MDGA2: variants seen among roughly 807,000 people sequenced by gnomAD.
The protein encoded by MDGA2 is MAM domain-containing glycosylphosphatidylinositol anchor protein 2.
Under a neutral mutation model 117.8 loss-of-function variants are expected in MDGA2, and 40 were observed. The ratio of observed to expected loss-of-function variants is 0.34; its 90% CI spans 0.26 to 0.44. The LOEUF (loss-of-function observed/expected upper bound fraction) is 0.44. MDGA2 is among the 20% of genes least tolerant of loss of function. The pLI is 1.00. For synonymous variants in MDGA2, 452 were observed against 439.0 expected, an observed-to-expected ratio of 1.03 and a Z score of -0.37; for missense variants, 1,123 against 1,250.6, an observed-to-expected ratio of 0.90 and a Z score of 1.54.
intron 3 of MDGA2, 78 bp from the exon 4 acceptor site, chr14:47,144,352 C>A: frequency 9.9e-7 from 1 of 1,015,202 alleles, no homozygotes; most frequent in Non-Finnish European, 1.4e-6. Context: ...TATAACCCAA[C>A]CAAAAATGCA....
chr14:47,638,554 A>C (rs111626368), intron 1 of MDGA2, among the ~76,000 whole-genome samples: 1 of 152,146 alleles, frequency 6.6e-6, no homozygotes, highest in Admixed American at 6.5e-5. Context: ...CTGCACCATT[A>C]CTCCGACTAA....
intron 6 of MDGA2, among the ~76,000 whole-genome samples, chr14:47,074,181 C>T (rs911568996): frequency 2.6e-5 from 4 of 152,050 alleles, no homozygotes; most frequent in Non-Finnish European, 5.9e-5. Flanking sequence ...CTTTCCTCAA[C>T]TTCTTTATCT....
Position 47,486,370 on chromosome 14 carries a change from C to A in MDGA2, c.281-184820G>T, listed in dbSNP as rs146988188. Among the ~76,000 whole-genome samples the A allele has an allele frequency of 2.4e-3, 371 of 152,292 alleles. 1 individual carries two copies. The highest frequency in any genetic ancestry group is 8.3e-3 in the African/African-American group (347 of 41,558). ...ATTTACCCAATGCCTGTACCTCCAT[C>A]GTATCTAGGAAGTAACTAACTTGCT... is the stretch of plus-strand genomic sequence containing the variant. On this transcript the variant is annotated intron_variant, in intron 1 of 16. Coordinates refer to ENST00000399232, the MANE Select transcript of MDGA2 (RefSeq NM_001113498.3).
intron 8 of MDGA2, among the ~76,000 whole-genome samples, chr14:46,970,577 A>G (rs566387010): frequency 6.4e-4 from 98 of 152,308 alleles, no homozygotes; most frequent in Non-Finnish European, 1.2e-3. Context: ...GTAAAATTTA[A>G]AACTATAAAG....
chr14:47,220,721 T>C (rs996856130), intron 2 of MDGA2, among the ~76,000 whole-genome samples: 2 of 152,194 alleles, frequency 1.3e-5, no homozygotes, highest in African/African-American at 4.8e-5. Flanking sequence ...TCAATTCTAA[T>C]TGATTTTCCT....
intron 1 of MDGA2, among the ~76,000 whole-genome samples, chr14:47,628,287 A>C (rs1213140067): frequency 1.3e-5 from 2 of 152,120 alleles, no homozygotes; most frequent in Non-Finnish European, 2.9e-5. Context: ...AAAATGTGTA[A>C]TTATGGGCCT....
intron 10 of MDGA2, among the ~76,000 whole-genome samples, chr14:46,908,151 T>C (rs1253993512): frequency 1.3e-5 from 2 of 152,098 alleles, no homozygotes; most frequent in Non-Finnish European, 2.9e-5. Context: ...AACTAACAAT[T>C]TGGAGTGGTA....
chr14:47,654,176 C>T (rs1286858390), intron 1 of MDGA2, among the ~76,000 whole-genome samples: 1 of 152,080 alleles, frequency 6.6e-6, no homozygotes, highest in African/African-American at 2.4e-5. Context: ...AAGAGCAAAG[C>T]TCTAGATATG....
At chr14:47,362,105 A>G (rs1221394818) in intron 1 of MDGA2, among the ~76,000 whole-genome samples, 2 of 152,172 alleles carry the variant, frequency 1.3e-5, no homozygotes, top group Non-Finnish European at 2.9e-5. Context: ...ATCTTGAACT[A>G]GAAGCCTGGC....
intron 2 of MDGA2, among the ~76,000 whole-genome samples, chr14:47,221,859 T>C (rs1886316293): frequency 1.3e-5 from 2 of 151,910 alleles, no homozygotes; most frequent in African/African-American, 2.4e-5. Flanking sequence ...GTATATATAT[T>C]TGGGGTACGA....
At chr14:47,144,779 G>T (rs2139204584) in intron 3 of MDGA2, among the ~76,000 whole-genome samples, 1 of 150,146 alleles carries the variant, frequency 6.7e-6, no homozygotes, top group African/African-American at 2.5e-5. Flanking sequence ...CTCCTGAGTA[G>T]CTGAGACTAC....
intron 1 of MDGA2, among the ~76,000 whole-genome samples, chr14:47,472,549 C>A (rs1893750629): frequency 6.6e-6 from 1 of 152,110 alleles, no homozygotes; most frequent in Admixed American, 6.6e-5. Context: ...TGTCTGCTTC[C>A]ACGACAAGGT....
chr14:47,136,346 G>A (rs1882456432), intron 4 of MDGA2, among the ~76,000 whole-genome samples: 1 of 151,806 alleles, frequency 6.6e-6, no homozygotes, highest in Non-Finnish European at 1.5e-5. Flanking sequence ...ATAGGTGCAT[G>A]CCATCACACT....
intron 1 of MDGA2, among the ~76,000 whole-genome samples, chr14:47,551,479 T>C (rs1895580374): frequency 6.6e-6 from 1 of 152,196 alleles, no homozygotes; most frequent in African/African-American, 2.4e-5. Context: ...ATTGTTCTTC[T>C]GGGTTTCCAT....
chr14:47,193,354 T>C (rs1187631486), intron 3 of MDGA2, among the ~76,000 whole-genome samples: 1 of 152,168 alleles, frequency 6.6e-6, no homozygotes, highest in Non-Finnish European at 1.5e-5. Flanking sequence ...TACTTTAATA[T>C]CTGGAATCTT....
intron 1 of MDGA2, among the ~76,000 whole-genome samples, chr14:47,396,838 G>A (rs1309564526): frequency 6.6e-6 from 1 of 152,174 alleles, no homozygotes; most frequent in Non-Finnish European, 1.5e-5. Flanking sequence ...GGAAACAACA[G>A]ATGCTGGAGG....
intron 1 of MDGA2, among the ~76,000 whole-genome samples, chr14:47,436,053 G>T (rs1249262197): frequency 6.6e-6 from 1 of 151,924 alleles, no homozygotes; most frequent in African/African-American, 2.4e-5. Context: ...TCTCAAGCTT[G>T]ACTCCTGCAT....
chr14:47,195,827 A>T (rs1187244483), intron 3 of MDGA2, among the ~76,000 whole-genome samples: 3 of 152,106 alleles, frequency 2.0e-5, no homozygotes, highest in Admixed American at 2.0e-4. Context: ...TCATCTGAAA[A>T]CCATGCCTAA....
intron 1 of MDGA2, among the ~76,000 whole-genome samples, chr14:47,407,251 T>A (rs1280679109): frequency 6.6e-6 from 1 of 152,202 alleles, no homozygotes; most frequent in Non-Finnish European, 1.5e-5. Flanking sequence ...TGCAGCAGTT[T>A]ATACTTCCAC....
Sources: gnomAD v4.1 joint callset for allele counts (sites outside exome capture counted in the v4.1 genomes callset) on GRCh38, gnomAD v4.1.1 for gene constraint, MANE v1.5 for transcripts, NCBI Gene and HGNC (gene_info 2026-07-23, HGNC 2026-07-21) for gene names.